Variants in CDH23 observed in about 807,000 individuals in gnomAD.
The protein encoded by CDH23 is cadherin-23.
CDH23 carries 189 observed loss-of-function variants against 317.1 expected under a neutral mutation model. The ratio of observed to expected loss-of-function variants is 0.60; its 90% CI spans 0.53 to 0.67. The LOEUF (loss-of-function observed/expected upper bound fraction) is 0.67, where lower values mean the gene tolerates loss of function less well. Ranked by LOEUF, CDH23 falls within the 30% of genes least tolerant of loss-of-function variation. The pLI, the probability that CDH23 is intolerant of heterozygous loss-of-function variation, is 0.00. For synonymous variants in CDH23, 1,839 were observed against 1,876.8 expected (o/e 0.98, Z 0.52); for missense variants, 4,401 against 4,592.4 (o/e 0.96, Z 1.20).
intron 45 of CDH23, 119 bp downstream of exon 45, chr10:71,789,161 G>A: frequency 1.6e-6 from 1 of 614,460 alleles, no homozygotes; most frequent in East Asian, 2.8e-5. Context: ...AGTGGGTGCG[G>A]GAGGGGAAGG....
At chr10:71,400,823 A>T (rs1288217086) in intron 1 of CDH23, among the ~76,000 whole-genome samples, 4 of 152,174 alleles carry the variant, frequency 2.6e-5, no homozygotes, top group African/African-American at 9.7e-5. Flanking sequence ...AATAAAAATA[A>T]TAGAAATTTA....
At chr10:71,447,719 G>C (rs1177779920) in intron 3 of CDH23, among the ~76,000 whole-genome samples, 1 of 152,178 alleles carries the variant, frequency 6.6e-6, no homozygotes, top group East Asian at 1.9e-4. Flanking sequence ...GCCCCTTTCT[G>C]GGGGTAGAGA....
At chr10:71,421,137 T>C (rs1307062222) in intron 1 of CDH23, among the ~76,000 whole-genome samples, 1 of 152,222 alleles carries the variant, frequency 6.6e-6, no homozygotes, top group Non-Finnish European at 1.5e-5. Context: ...CAGCTCCTCA[T>C]AGGAAAGATG....
intron 9 of CDH23, among the ~76,000 whole-genome samples, chr10:71,608,364 C>T (rs1046622261): frequency 2.0e-5 from 3 of 152,184 alleles, no homozygotes; most frequent in Admixed American, 6.5e-5. Context: ...AGATCAGGAT[C>T]GCACAGGTCA....
At chr10:71,536,530 G>A (rs1162031675) in intron 6 of CDH23, among the ~76,000 whole-genome samples, 1 of 152,232 alleles carries the variant, frequency 6.6e-6, no homozygotes, top group Non-Finnish European at 1.5e-5. Context: ...TAGGCTGGGA[G>A]GAGGACGATC....
chr10:71,809,790 A>G (rs1841857770), intron 60 of CDH23, 30 bp from the exon 61 acceptor site: 3 of 1,602,142 alleles, frequency 1.9e-6, no homozygotes, highest in Non-Finnish European at 2.6e-6. Context: ...TGAGTCTCTG[A>G]GCCGTACCCC....
intron 28 of CDH23, among the ~76,000 whole-genome samples, chr10:71,718,630 G>A (rs1047477284): frequency 1.3e-4 from 20 of 152,396 alleles, no homozygotes; most frequent in African/African-American, 4.6e-4. Flanking sequence ...TTGGCCAGGA[G>A]TAAGAAAAGG....
intron 17 of CDH23, among the ~76,000 whole-genome samples, chr10:71,681,237 C>G (rs973441499): frequency 6.6e-6 from 1 of 152,158 alleles, no homozygotes; most frequent in Non-Finnish European, 1.5e-5. Context: ...AAGCAATAAT[C>G]TTGTTTCCCT....
In CDH23 at chr10:71,725,443, C is replaced by A; in HGVS notation, c.3502C>A (p.Arg1168=). The change falls in exon 30 of 70, where the codon CGG becomes AGG. Residue 1168 remains arginine, a synonymous_variant. Coordinates refer to ENST00000224721, the MANE Select transcript of CDH23 (RefSeq NM_022124.6). The part of the protein sequence containing the change: ...LLMRGPRPLD[R]ERNSSHVLIV... ...GATGCGAGGGCCCCGGCCCCTGGAC[C>A]GGGAGCGGAACTCATCCCACGTGCT... 1 of 1,614,056 alleles carries A rather than the reference C, an allele frequency of 6.2e-7. No homozygotes were observed. Among genetic ancestry groups the A allele is most frequent in the Non-Finnish European group, 8.5e-7 (1 of 1,179,900 alleles).
At chr10:71,585,258 G>C (rs1270931326) in intron 9 of CDH23, among the ~76,000 whole-genome samples, 1 of 152,184 alleles carries the variant, frequency 6.6e-6, no homozygotes, top group African/African-American at 2.4e-5. Context: ...GGATCATGGT[G>C]GTGGCCTAGG....
Position 71,797,362 on chromosome 10 carries a change from A to G in CDH23, c.6829+142A>G, listed in dbSNP as rs1348386555. 4.8e-6 allele frequency: 3 copies of G among 626,922 alleles called. No individual in the cohort carries two copies. In the African/African-American group the frequency reaches 5.5e-5, roughly 11 times the overall value. 38.8% of individuals were successfully genotyped at this position (626,922 alleles called of 1,614,324 possible). A position where few individuals can be genotyped will look rare whatever the true frequency, so the allele number is the denominator to read the frequency against. ...TGGGGGCCAGGAGTCAGGCAACACA[A>G]GAGGCATGAAAGGTGGCAGCCACCG... On this transcript the variant is annotated intron_variant, in intron 49 of 69. Transcript: ENST00000224721.
At chr10:71,604,678 A>G (rs1860426191) in intron 9 of CDH23, among the ~76,000 whole-genome samples, 1 of 152,192 alleles carries the variant, frequency 6.6e-6, no homozygotes, top group South Asian at 2.1e-4. Flanking sequence ...CAGTCTCCCC[A>G]GCAGGAGTGC....
intron 1 of CDH23, among the ~76,000 whole-genome samples, chr10:71,424,654 T>G (rs899979600): frequency 6.6e-6 from 1 of 152,166 alleles, no homozygotes; most frequent in African/African-American, 2.4e-5. Context: ...AGGGACCTCG[T>G]TCCTTTATTT....
At chr10:71,616,575 T>C (rs1171926082) in intron 10 of CDH23, among the ~76,000 whole-genome samples, 1 of 152,246 alleles carries the variant, frequency 6.6e-6, no homozygotes, top group Non-Finnish European at 1.5e-5. Flanking sequence ...GTTCTCACAC[T>C]TGGCTGTGAA....
intron 9 of CDH23, among the ~76,000 whole-genome samples, chr10:71,586,631 C>T (rs1859084967): frequency 6.6e-6 from 1 of 152,194 alleles, no homozygotes; most frequent in Non-Finnish European, 1.5e-5. Context: ...TTACCCACAC[C>T]TTACCACCTG....
At chr10:71,476,295 T>C (rs1163331281) in intron 3 of CDH23, among the ~76,000 whole-genome samples, 1 of 152,070 alleles carries the variant, frequency 6.6e-6, no homozygotes, top group East Asian at 1.9e-4. Flanking sequence ...TTGAACCTGG[T>C]AATAGCAAGT....
chr10:71,440,838 G>A (rs1426297063), intron 2 of CDH23, among the ~76,000 whole-genome samples: 1 of 152,184 alleles, frequency 6.6e-6, no homozygotes, highest in African/African-American at 2.4e-5. Flanking sequence ...TGGTGTACCT[G>A]GTGACACACG....
chr10:71,730,938 G>A (rs1028909048), intron 31 of CDH23, among the ~76,000 whole-genome samples: 4 of 152,348 alleles, frequency 2.6e-5, no homozygotes, highest in Middle Eastern at 3.4e-3. Context: ...AAAGAGGACC[G>A]GTCAGAAAGC....
intron 9 of CDH23, among the ~76,000 whole-genome samples, chr10:71,600,514 CTTTT>C (rs538778849): frequency 2.4e-5 from 3 of 125,198 alleles, no homozygotes; most frequent in African/African-American, 9.2e-5. Flanking sequence ...GACCGCAGAA[CTTTT>C]TTTTTTTTTT....
Sources: gnomAD v4.1 joint callset for allele counts (sites outside exome capture counted in the v4.1 genomes callset) on GRCh38, gnomAD v4.1.1 for gene constraint, MANE v1.5 for transcripts, NCBI Gene and HGNC (gene_info 2026-07-23, HGNC 2026-07-21) for gene names.